Variants in FBRSL1 observed in about 807,000 individuals in gnomAD.
FBRSL1 encodes the protein fibrosin like 1.
Under a neutral mutation model 89.6 loss-of-function variants are expected in FBRSL1, and 51 were observed. The observed-to-expected ratio is 0.57, with a 90% CI of 0.45 to 0.72. FBRSL1 has a LOEUF of 0.72. Among genes scored for constraint, FBRSL1 ranks in the 30% least tolerant of loss-of-function variants. FBRSL1 has a pLI of 0.00. For synonymous variants in FBRSL1, 779 were observed against 681.1 expected (o/e 1.14, Z -2.24); for missense variants, 1,618 against 1,451.8 (o/e 1.11, Z -1.86).
Position 132,584,045 on chromosome 12 carries a change from C to G in FBRSL1, c.*267C>G, listed in dbSNP as rs1272974828. The G allele has an allele frequency of 5.2e-6, 1 of 193,230 alleles. No individual in the cohort carries two copies. Among genetic ancestry groups the G allele is most frequent in the Admixed American group, 6.1e-5 (1 of 16,412 alleles). 12.0% of individuals were successfully genotyped at this position (193,230 alleles called of 1,614,324 possible). ...GTGTTTGTAATGGATTTGTATTTTT[C>G]TTAATTTTATGCTCTTTAGACGTTT... On this transcript the variant is annotated 3_prime_UTR_variant, in exon 19 of 19. Coordinates refer to ENST00000680143, the MANE Select transcript of FBRSL1 (RefSeq NM_001367871.1).
chr12:132,493,009 A>G (rs567534369), intron 1 of FBRSL1, among the ~76,000 whole-genome samples: 51 of 152,322 alleles, frequency 3.3e-4, no homozygotes, highest in African/African-American at 1.2e-3. Context: ...GCTGCCTTTC[A>G]CAGACATCAA....
chr12:132,518,228 C>T lies in FBRSL1; in HGVS notation c.490-7506C>T, dbSNP rs1289351343. 2.6e-5 allele frequency among the ~76,000 whole-genome samples: 4 copies of T among 152,070 alleles called. No homozygotes were observed. The East Asian group carries it at 7.7e-4, about 29-fold the overall frequency. The stretch of plus-strand genomic sequence containing the variant: ...CTGTAGTGTATCTCATCCATCCATC[C>T]ACCCATCTGTCCATCATCCACCTGT... On this transcript the variant is annotated intron_variant, in intron 2 of 18. Transcript: ENST00000680143.
intron 4 of FBRSL1, among the ~76,000 whole-genome samples, chr12:132,537,389 C>T (rs1246013934): frequency 6.6e-6 from 1 of 152,118 alleles, no homozygotes; most frequent in Non-Finnish European, 1.5e-5. Flanking sequence ...GCCAGTCCAG[C>T]CTGTCCAGTG....
intron 1 of FBRSL1, among the ~76,000 whole-genome samples, chr12:132,498,393 C>G (rs962318557): frequency 6.6e-6 from 1 of 152,296 alleles, no homozygotes; most frequent in African/African-American, 2.4e-5. Flanking sequence ...TGGCCAATCC[C>G]GGCTGGAGGC....
intron 3 of FBRSL1, among the ~76,000 whole-genome samples, chr12:132,526,463 C>G (rs2035797907): frequency 6.6e-6 from 1 of 152,340 alleles, no homozygotes; most frequent in Non-Finnish European, 1.5e-5. Flanking sequence ...GGCTGAGGCT[C>G]AAACTCAGGG....
rs996237619 is a variant in FBRSL1 at position 132,524,749 on chromosome 12, G to A, written c.490-985G>A. 3.9e-5 allele frequency among the ~76,000 whole-genome samples: 6 copies of A among 152,210 alleles called. No individual in the cohort carries two copies. The South Asian group carries it at 8.3e-4, about 21-fold the overall frequency. The stretch of plus-strand genomic sequence containing the variant: ...GCTGGGCTTCCACGTGAGTCTGGGC[G>A]CTGGCTGTGCAGGGGCGTCCCTGCT... On this transcript the variant is annotated intron_variant, in intron 2 of 18. Coordinates refer to ENST00000680143, the MANE Select transcript of FBRSL1 (RefSeq NM_001367871.1).
chr12:132,490,832 G>T lies in FBRSL1; in HGVS notation c.262G>T (p.Ala88Ser). 1 of 1,413,030 alleles carries T rather than the reference G, an allele frequency of 7.1e-7. No homozygotes were observed. 87.5% of individuals were successfully genotyped at this position (1,413,030 alleles called of 1,614,324 possible). Residue 88 changes from alanine to serine, a missense_variant, in exon 1 of 19, where the codon GCC becomes TCC. By Grantham distance (99) the Ala-to-Ser change is moderately conservative. Transcript: ENST00000680143. ...EEEVIDGFAI[A>S]SFSTLEALEK... The stretch of plus-strand genomic sequence containing the variant: ...GGAGGTCATCGACGGCTTCGCCATC[G>T]CCAGCTTCAGCACCCTGGAGGCCCT...
intron 4 of FBRSL1, among the ~76,000 whole-genome samples, chr12:132,542,424 G>A (rs1424258683): frequency 6.6e-6 from 1 of 152,214 alleles, no homozygotes; most frequent in Non-Finnish European, 1.5e-5. Context: ...CCTCGGGTTG[G>A]TGCAGGCGCC....
At chr12:132,519,883 G>A (rs1715026828) in intron 2 of FBRSL1, among the ~76,000 whole-genome samples, 1 of 146,916 alleles carries the variant, frequency 6.8e-6, no homozygotes, top group Non-Finnish European at 1.5e-5. Flanking sequence ...ACTCCAGCCT[G>A]GGCAAGACTC....
rs2137291208 is a variant in FBRSL1 at position 132,546,238 on chromosome 12, A to G, written c.616-1765A>G. Among the ~76,000 whole-genome samples the G allele has an allele frequency of 6.6e-6, 1 of 152,314 alleles. No individual in the cohort carries two copies. The highest frequency in any genetic ancestry group is 6.5e-5 in the Admixed American group (1 of 15,312). On this transcript the variant is annotated intron_variant, in intron 4 of 18. Coordinates refer to ENST00000680143, the MANE Select transcript of FBRSL1 (RefSeq NM_001367871.1). The surrounding 1 kb of genome is among the most constrained non-coding windows in gnomAD (Gnocchi z 4.0). ...CCAAACACCAAGGCCCGCCCATATC[A>G]CAGCAGGGGAGATGGAGGACTCAGA...
Position 132,583,040 on chromosome 12 carries a change from C to A in FBRSL1, c.2271C>A (p.Ser757Arg). The change falls in exon 19 of 19, where the codon AGC (serine) becomes AGA (arginine). Residue 757 changes from serine (S) to arginine (R), a missense_variant. Ser to Arg is a moderately radical substitution (Grantham distance 110, BLOSUM62 -1). Transcript: ENST00000680143. Reference protein sequence around the residue: ...SPATPAGHPVSGLLLRAQSEL... With the variant: ...SPATPAGHPVRGLLLRAQSEL... Reference sequence around the variant, plus strand: ...CCACCCCCGCTGGCCACCCCGTCAGCGGCCTCCTGCTCCGGGCCCAGAGCG... The same window carrying A: ...CCACCCCCGCTGGCCACCCCGTCAGAGGCCTCCTGCTCCGGGCCCAGAGCG... 1 of 1,453,804 alleles carries A rather than the reference C, an allele frequency of 6.9e-7. No homozygotes were observed. The highest frequency in any genetic ancestry group is 1.3e-5 in the South Asian group (1 of 75,466). The allele number at this position is 1,453,804 out of a possible 1,614,324, so 90.1% of individuals were successfully genotyped here.
intron 2 of FBRSL1, among the ~76,000 whole-genome samples, chr12:132,522,196 C>A (rs1029741057): frequency 2.0e-5 from 3 of 152,176 alleles, no homozygotes; most frequent in Non-Finnish European, 4.4e-5. Context: ...GTCTCTCTGG[C>A]CCCTTCCCAG....
rs1244792401 is a variant in FBRSL1 at position 132,567,461 on chromosome 12, C to A, written c.646-20C>A. 1 of 1,550,826 alleles carries A rather than the reference C, an allele frequency of 6.4e-7. No homozygotes were observed. The highest frequency in any genetic ancestry group is 2.4e-5 in the East Asian group (1 of 40,912). On this transcript the variant is annotated intron_variant, in intron 5 of 18. Coordinates refer to ENST00000680143, the MANE Select transcript of FBRSL1 (RefSeq NM_001367871.1). ...TGAGGACCACCCTGACTGCCCCTGA[C>A]CCCCCTTCTCTCTCTCCAGGCATCC...
At chr12:132,535,821 T>G (rs1188731997) in intron 4 of FBRSL1, among the ~76,000 whole-genome samples, 1 of 147,136 alleles carries the variant, frequency 6.8e-6, no homozygotes, top group Non-Finnish European at 1.5e-5. Flanking sequence ...GTGTCCATGA[T>G]GGTGTGAGTG....
Position 132,546,601 on chromosome 12 carries a change from G to A in FBRSL1, c.616-1402G>A, listed in dbSNP as rs1456309231. On this transcript the variant is annotated intron_variant, in intron 4 of 18. Transcript: ENST00000680143. The surrounding 1 kb of genome is among the most constrained non-coding windows in gnomAD (Gnocchi z 4.0). Reference sequence around the variant, plus strand: ...TTGGCCACGGCTGAAAGGCCAGACCGGGGGGGACCCTAGGAGAGGGCTTGG... The same window carrying A: ...TTGGCCACGGCTGAAAGGCCAGACCAGGGGGGACCCTAGGAGAGGGCTTGG... 1.4e-5 allele frequency among the ~76,000 whole-genome samples: 2 copies of A among 145,276 alleles called. No individual in the cohort carries two copies. The highest frequency in any genetic ancestry group is 2.6e-5 in the African/African-American group (1 of 38,418).
intron 2 of FBRSL1, among the ~76,000 whole-genome samples, chr12:132,513,020 G>A (rs2034510696): frequency 6.6e-6 from 1 of 152,194 alleles, no homozygotes; most frequent in Non-Finnish European, 1.5e-5. Flanking sequence ...TGTGTCCTGG[G>A]GCCCGCGCCC....
intron 18 of FBRSL1, 94 bp from the exon 19 acceptor site, chr12:132,582,877 T>C: frequency 4.7e-6 from 5 of 1,067,888 alleles, no homozygotes; most frequent in South Asian, 2.4e-5. Context: ...ACCCAGAAAC[T>C]GGAGGCCCCG....
At chr12:132,574,037 C>T (rs2040220379) in intron 11 of FBRSL1, 53 bp from the exon 12 acceptor site, 2 of 1,178,880 alleles carry the variant, frequency 1.7e-6, no homozygotes, top group Admixed American at 8.4e-5. Flanking sequence ...CCCGAGGCGT[C>T]CTCCTGCCTG....
chr12:132,571,775 A>ACCCT (rs1458120107), intron 9 of FBRSL1: 1 of 341,856 alleles, frequency 2.9e-6, no homozygotes, highest in Non-Finnish European at 5.2e-6. Context: ...TGCATGGGAC[A>ACCCT]CCCTCACGCC....
Sources: gnomAD v4.1 joint callset for allele counts (sites outside exome capture counted in the v4.1 genomes callset) on GRCh38, gnomAD v4.1.1 for gene constraint, Gnocchi (gnomAD v3.1) non-coding constraint, MANE v1.5 for transcripts, NCBI Gene and HGNC (gene_info 2026-07-23, HGNC 2026-07-21) for gene names.